ZNF704: variants seen among roughly 807,000 people sequenced by gnomAD.
ZNF704 encodes the protein glucocorticoid induced gene 1.
Under a neutral mutation model 44.7 loss-of-function variants are expected in ZNF704, and 10 were observed. That is an observed-to-expected ratio of 0.22 (90% CI 0.14 to 0.38). The LOEUF is 0.38. Among genes scored for constraint, ZNF704 ranks in the 10% least tolerant of loss-of-function variants. ZNF704 has a pLI of 1.00. For synonymous variants in ZNF704, 211 were observed against 207.6 expected (o/e 1.02, Z -0.14); for missense variants, 390 against 545.5 (o/e 0.71, Z 2.84).
chr8:80,669,267 T>C (rs867598708), intron 5 of ZNF704, among the ~76,000 whole-genome samples: 1 of 152,196 alleles, frequency 6.6e-6, no homozygotes, highest in African/African-American at 2.4e-5. Context: ...CATTGTGAAT[T>C]GTCTTGACGA....
chr8:80,689,511 C>T (rs1210457686), intron 3 of ZNF704, among the ~76,000 whole-genome samples: 1 of 152,178 alleles, frequency 6.6e-6, no homozygotes, highest in Non-Finnish European at 1.5e-5. Context: ...AAGAAAGCTC[C>T]ATTTAGTACA....
At chr8:80,787,048 T>C (rs1248412039) in intron 2 of ZNF704, among the ~76,000 whole-genome samples, 2 of 152,126 alleles carry the variant, frequency 1.3e-5, no homozygotes, top group Non-Finnish European at 2.9e-5. Context: ...GAAGCAGAGG[T>C]GGATAGTATA....
rs991938473 is a variant in ZNF704, at chr8:80,874,196, C to CT, written c.-22+374dup. On this transcript the variant is annotated intron_variant, in intron 1 of 8. Transcript: ENST00000327835. This position sits in a 1 kb window ranked among gnomAD's most constrained non-coding sequence, Gnocchi z 4.4. ...GGCCAGGACCCGCGGCTGCCACTGGCTGCAGAGGCGCGGGCGCCGCCTTCG... is the reference window on the plus strand; with the variant it reads ...GGCCAGGACCCGCGGCTGCCACTGGCTTGCAGAGGCGCGGGCGCCGCCTTCG... Among the ~76,000 whole-genome samples the CT allele has an allele frequency of 6.8e-6, 1 of 146,370 alleles. No individual in the cohort carries two copies. Among genetic ancestry groups the CT allele is most frequent in the Middle Eastern group, 3.2e-3 (1 of 314 alleles).
chr8:80,848,511 T>C (rs931591435), intron 1 of ZNF704, among the ~76,000 whole-genome samples: 1 of 152,228 alleles, frequency 6.6e-6, no homozygotes, highest in Non-Finnish European at 1.5e-5. Flanking sequence ...TCTGTATTAT[T>C]TCTTACAATT....
intron 2 of ZNF704, among the ~76,000 whole-genome samples, chr8:80,756,870 C>T (rs552841011): frequency 6.6e-6 from 1 of 152,264 alleles, no homozygotes; most frequent in South Asian, 2.1e-4. Context: ...GCTTACAGTC[C>T]AGCTAGGCAC....
intron 1 of ZNF704, among the ~76,000 whole-genome samples, chr8:80,846,878 A>T (rs1292854244): frequency 6.6e-6 from 1 of 152,222 alleles, no homozygotes; most frequent in Non-Finnish European, 1.5e-5. Context: ...CTGAAGTTTA[A>T]AACACAGTAC....
At chr8:80,868,976 T>A (rs1010961045) in intron 1 of ZNF704, among the ~76,000 whole-genome samples, 1 of 152,212 alleles carries the variant, frequency 6.6e-6, no homozygotes, top group Non-Finnish European at 1.5e-5. Context: ...GGCAACGTAG[T>A]GTAATGCATG....
chr8:80,685,371 A>G (rs1417615666), intron 4 of ZNF704, among the ~76,000 whole-genome samples: 1 of 152,122 alleles, frequency 6.6e-6, no homozygotes, highest in Non-Finnish European at 1.5e-5. Flanking sequence ...GGTTCCCTGT[A>G]CTGTGAGTCC....
Position 80,683,088 on chromosome 8 carries a change from C to T in ZNF704, c.558+4138G>A, listed in dbSNP as rs553107359. Among the ~76,000 whole-genome samples the T allele has an allele frequency of 1.3e-5, 2 of 152,266 alleles. 1 individual carries two copies. Among genetic ancestry groups the T allele is most frequent in the East Asian group, 3.9e-4 (2 of 5,180 alleles). ...AATTCATTTTCTCCCACGAACTCCC[C>T]GAATGGCTGTATTTAGGGTCACTGC... On this transcript the variant is annotated intron_variant, in intron 4 of 8. Transcript: ENST00000327835.
intron 2 of ZNF704, among the ~76,000 whole-genome samples, chr8:80,804,446 T>A (rs1563559293): frequency 6.6e-6 from 1 of 152,050 alleles, no homozygotes; most frequent in Admixed American, 6.5e-5. Context: ...AATTATAGAC[T>A]GAATAAAGAA....
At chr8:80,699,989 G>C (rs960506127) in intron 2 of ZNF704, among the ~76,000 whole-genome samples, 13 of 152,230 alleles carry the variant, frequency 8.5e-5, no homozygotes, top group African/African-American at 2.4e-4. Context: ...AGGTCAGGTG[G>C]GGTGTGGGCC....
chr8:80,712,410 AT>A (rs1223651195), intron 2 of ZNF704, among the ~76,000 whole-genome samples: 2 of 152,088 alleles, frequency 1.3e-5, no homozygotes, highest in Non-Finnish European at 2.9e-5. Flanking sequence ...CTTATAGACT[AT>A]TTTTTTTAAA....
At chr8:80,803,904 G>C (rs1010465606) in intron 2 of ZNF704, among the ~76,000 whole-genome samples, 2 of 152,046 alleles carry the variant, frequency 1.3e-5, no homozygotes, top group Non-Finnish European at 2.9e-5. Flanking sequence ...ACAACCTACA[G>C]AATAGGAGAA....
chr8:80,763,467 G>A (rs1435343798), intron 2 of ZNF704, among the ~76,000 whole-genome samples: 1 of 152,228 alleles, frequency 6.6e-6, no homozygotes, highest in Non-Finnish European at 1.5e-5. Flanking sequence ...ACCATGGCCT[G>A]TGGTGTACCT....
At chr8:80,746,314 A>G (rs1806842759) in intron 2 of ZNF704, among the ~76,000 whole-genome samples, 2 of 152,212 alleles carry the variant, frequency 1.3e-5, no homozygotes. Context: ...AGCACAGTAT[A>G]TATTTTTGGA....
In ZNF704 at chr8:80,852,143, A is replaced by G. The variant is rs184147038; in HGVS notation, c.-22+22428T>C. Among the ~76,000 whole-genome samples, 1,293 of 152,294 alleles carry G rather than the reference A, an allele frequency of 8.5e-3. 7 individuals are homozygous for G. Among genetic ancestry groups the G allele is most frequent in the Non-Finnish European group, 0.014 (919 of 68,024 alleles). ...ACACACTCTATGTTAAATGTTCAACATACTTTGCACATTAAGGATAGAATA... is the reference window on the plus strand; with the variant it reads ...ACACACTCTATGTTAAATGTTCAACGTACTTTGCACATTAAGGATAGAATA... On this transcript the variant is annotated intron_variant, in intron 1 of 8. Coordinates refer to ENST00000327835, the MANE Select transcript of ZNF704 (RefSeq NM_001033723.3).
chr8:80,725,768 C>T lies in ZNF704; in HGVS notation c.222-32661G>A, dbSNP rs114057061. On this transcript the variant is annotated intron_variant, in intron 2 of 8. Coordinates refer to ENST00000327835, the MANE Select transcript of ZNF704 (RefSeq NM_001033723.3). ...CCCTGGGGGCTTACTGTTAACAATG[C>T]TTATATGAATTCTAAACACATCTGG... Among the ~76,000 whole-genome samples the T allele has an allele frequency of 5.5e-3, 830 of 152,214 alleles. 6 individuals carry two copies. The highest frequency in any genetic ancestry group is 0.019 in the African/African-American group (800 of 41,524).
At chr8:80,803,281 A>G (rs1807932368) in intron 2 of ZNF704, among the ~76,000 whole-genome samples, 2 of 152,176 alleles carry the variant, frequency 1.3e-5, no homozygotes, top group Non-Finnish European at 2.9e-5. Flanking sequence ...TTCTAGATTC[A>G]ATCCTGTTCC....
chr8:80,846,888 C>G (rs1245333583), intron 1 of ZNF704, among the ~76,000 whole-genome samples: 1 of 152,114 alleles, frequency 6.6e-6, no homozygotes, highest in Non-Finnish European at 1.5e-5. Flanking sequence ...AAACACAGTA[C>G]CAGGTTGGGC....
Sources: allele counts gnomAD v4.1 joint callset (sites outside exome capture counted in the v4.1 genomes callset), GRCh38; gene constraint gnomAD v4.1.1; non-coding constraint Gnocchi (gnomAD v3.1); transcripts MANE v1.5; gene names NCBI Gene and HGNC (gene_info 2026-07-23, HGNC 2026-07-21).